Variants in ZNF804A observed in about 807,000 individuals in gnomAD.
The protein encoded by ZNF804A is zinc finger protein 804A.
ZNF804A carries 2 observed loss-of-function variants against 16.5 expected under a neutral mutation model. The ratio of observed to expected loss-of-function variants is 0.12; its 90% confidence interval spans 0.05 to 0.38. The LOEUF is 0.38. ZNF804A is among the 10% of genes least tolerant of loss of function. The pLI is 0.99. For synonymous variants in ZNF804A, 534 were observed against 489.6 expected (o/e 1.09, Z -1.20); for missense variants, 1,473 against 1,390.7 (o/e 1.06, Z -0.94).
intron 1 of ZNF804A, among the ~76,000 whole-genome samples, chr2:184,712,595 A>G (rs1339857398): frequency 1.3e-5 from 2 of 151,666 alleles, no homozygotes; most frequent in Non-Finnish European, 3.0e-5. Flanking sequence ...AGTTTTGGCC[A>G]TTATTTCTTT....
chr2:184,786,377 AG>A (rs1487626389), intron 1 of ZNF804A, among the ~76,000 whole-genome samples: 1 of 152,064 alleles, frequency 6.6e-6, no homozygotes, highest in Admixed American at 6.6e-5. Flanking sequence ...TGTAAGACAA[AG>A]GATATGAACT....
intron 1 of ZNF804A, among the ~76,000 whole-genome samples, chr2:184,629,634 G>A (rs1484325846): frequency 6.6e-6 from 1 of 152,106 alleles, no homozygotes; most frequent in Non-Finnish European, 1.5e-5. Flanking sequence ...AAAGCCTTTT[G>A]AGGTTGATCA....
At chr2:184,837,150 C>G (rs1262499413) in intron 1 of ZNF804A, among the ~76,000 whole-genome samples, 1 of 151,994 alleles carries the variant, frequency 6.6e-6, no homozygotes, top group Non-Finnish European at 1.5e-5. Context: ...ACTTATATTA[C>G]TAGGTGGACA....
chr2:184,809,497 G>T (rs1199836446), intron 1 of ZNF804A, among the ~76,000 whole-genome samples: 1 of 151,522 alleles, frequency 6.6e-6, no homozygotes, highest in East Asian at 1.9e-4. Flanking sequence ...TGTTTATTCT[G>T]GTTATTTTTA....
intron 1 of ZNF804A, among the ~76,000 whole-genome samples, chr2:184,793,754 C>T (rs1352270084): frequency 6.6e-6 from 1 of 152,088 alleles, no homozygotes; most frequent in Non-Finnish European, 1.5e-5. Context: ...TCCAAAATCC[C>T]TTCTGTCATT....
chr2:184,650,086 C>T (rs1011085117), intron 1 of ZNF804A, among the ~76,000 whole-genome samples: 5 of 152,092 alleles, frequency 3.3e-5, no homozygotes, highest in African/African-American at 1.2e-4. Flanking sequence ...CCAAATCCAA[C>T]AGCACATCAA....
intron 1 of ZNF804A, among the ~76,000 whole-genome samples, chr2:184,753,555 A>G (rs539267945): frequency 1.1e-4 from 17 of 151,912 alleles, no homozygotes; most frequent in Admixed American, 3.9e-4. Context: ...GTGATACTGT[A>G]CCACTGCTGC....
At chr2:184,635,445 ACAGT>A (rs1034357296) in intron 1 of ZNF804A, among the ~76,000 whole-genome samples, 5 of 152,136 alleles carry the variant, frequency 3.3e-5, no homozygotes, top group East Asian at 1.9e-4. Flanking sequence ...ACTTGCATAG[ACAGT>A]CAGTATGGGA....
intron 2 of ZNF804A, among the ~76,000 whole-genome samples, chr2:184,929,963 T>A (rs1685669914): frequency 6.6e-6 from 1 of 152,218 alleles, no homozygotes; most frequent in South Asian, 2.1e-4. Flanking sequence ...CAGTGATTGC[T>A]GTTATCTCTT....
At chr2:184,855,058 A>G (rs1051765639) in intron 1 of ZNF804A, among the ~76,000 whole-genome samples, 1 of 152,074 alleles carries the variant, frequency 6.6e-6, no homozygotes, top group Non-Finnish European at 1.5e-5. Flanking sequence ...AAGTCTACAG[A>G]CTGTAATAAA....
At chr2:184,686,978 G>A (rs1206376717) in intron 1 of ZNF804A, among the ~76,000 whole-genome samples, 1 of 152,070 alleles carries the variant, frequency 6.6e-6, no homozygotes, top group Non-Finnish European at 1.5e-5. Context: ...GATTCAGTAG[G>A]TTGTCTGTTT....
At chr2:184,738,336 A>T (rs1010184419) in intron 1 of ZNF804A, among the ~76,000 whole-genome samples, 2 of 152,138 alleles carry the variant, frequency 1.3e-5, no homozygotes. Flanking sequence ...CTAGAGTCAG[A>T]AACAGTTGGG....
intron 1 of ZNF804A, among the ~76,000 whole-genome samples, chr2:184,752,536 C>A (rs954684587): frequency 6.6e-6 from 1 of 151,400 alleles, no homozygotes; most frequent in Non-Finnish European, 1.5e-5. Flanking sequence ...ACAATGTTCA[C>A]TATTTGCAAC....
chr2:184,866,243 C>T, intron 1 of ZNF804A, 126 bp from the exon 2 acceptor site: 5 of 754,742 alleles, frequency 6.6e-6, no homozygotes, highest in South Asian at 2.9e-5. Flanking sequence ...CTAGTATTTG[C>T]TTTCTTTTTC....
At chr2:184,711,894 T>C (rs1693134942) in intron 1 of ZNF804A, among the ~76,000 whole-genome samples, 1 of 151,734 alleles carries the variant, frequency 6.6e-6, no homozygotes, top group Non-Finnish European at 1.5e-5. Flanking sequence ...TTGTAGTGTA[T>C]TTTGAAATTC....
intron 2 of ZNF804A, among the ~76,000 whole-genome samples, chr2:184,866,976 T>C (rs1457807852): frequency 2.0e-5 from 3 of 151,626 alleles, no homozygotes; most frequent in South Asian, 4.2e-4. Flanking sequence ...TAAGCTACTA[T>C]GAAAACATGT....
At chr2:184,616,820 TA>T (rs1374021519) in intron 1 of ZNF804A, among the ~76,000 whole-genome samples, 2 of 152,200 alleles carry the variant, frequency 1.3e-5, no homozygotes, top group African/African-American at 4.8e-5. Flanking sequence ...TCATAGGTTC[TA>T]AATCTTAATA....
At chr2:184,914,284 A>G (rs1685412623) in intron 2 of ZNF804A, among the ~76,000 whole-genome samples, 1 of 152,156 alleles carries the variant, frequency 6.6e-6, no homozygotes, top group Admixed American at 6.6e-5. Flanking sequence ...TTTCTCTGGT[A>G]TTCCAAGTTA....
intron 2 of ZNF804A, among the ~76,000 whole-genome samples, chr2:184,917,421 CATATT>C (rs1685466347): frequency 6.6e-6 from 1 of 151,982 alleles, no homozygotes; most frequent in Non-Finnish European, 1.5e-5. Flanking sequence ...TTATTCAATA[CATATT>C]ATGTCATATC....
Sources: gnomAD v4.1 joint callset for allele counts (sites outside exome capture counted in the v4.1 genomes callset) on GRCh38, gnomAD v4.1.1 for gene constraint, MANE v1.5 for transcripts, NCBI Gene and HGNC (gene_info 2026-07-23, HGNC 2026-07-21) for gene names.